Variants in ZNF713 observed in about 807,000 individuals in gnomAD.
ZNF713 encodes zinc finger protein 713.
Under a neutral mutation model 28.7 loss-of-function variants are expected in ZNF713, and 21 were observed. The observed-to-expected ratio is 0.73, with a 90% CI of 0.52 to 1.05. ZNF713 has a LOEUF of 1.05. Among genes scored for constraint, ZNF713 ranks in the 50% least tolerant of loss-of-function variants. The probability of loss-of-function intolerance (pLI) is 0.00; values close to 1 mark genes in which losing one functional copy is unlikely to be tolerated. For synonymous variants in ZNF713, 167 were observed against 178.0 expected (o/e 0.94, Z 0.49); for missense variants, 458 against 532.4 (o/e 0.86, Z 1.37).
Position 55,934,849 on chromosome 7 carries a change from A to G in ZNF713, c.308-4133A>G, listed in dbSNP as rs1026217842. Reference sequence around the variant, plus strand: ...GAACAATTTGACAGAATTTATCAAAATGTGTAGTGTGCAAACCCTATGATC... The same window carrying G: ...GAACAATTTGACAGAATTTATCAAAGTGTGTAGTGTGCAAACCCTATGATC... On this transcript the variant is annotated intron_variant, in intron 6 of 6. Coordinates refer to ENST00000429591, the MANE Select transcript of ZNF713 (RefSeq NM_182633.3). Among the ~76,000 whole-genome samples the G allele has an allele frequency of 2.8e-4, 42 of 150,576 alleles. 1 individual carries two copies. The highest frequency in any genetic ancestry group is 5.6e-4 in the Non-Finnish European group (38 of 67,812).
chr7:55,930,127 C>T (rs1188848600), intron 6 of ZNF713, among the ~76,000 whole-genome samples: 2 of 151,978 alleles, frequency 1.3e-5, no homozygotes, highest in African/African-American at 2.4e-5. Context: ...GTGACACGAT[C>T]TCCGCTCACT....
chr7:55,887,899 C>T (rs1212575789), intron 1 of ZNF713, among the ~76,000 whole-genome samples: 1,468 of 128,688 alleles, frequency 0.011, 310 homozygotes, highest in African/African-American at 0.044. Context: ...GCGGCGGCGG[C>T]GGCGGGAGGC....
intron 1 of ZNF713, among the ~76,000 whole-genome samples, chr7:55,889,652 A>T (rs1357084758): frequency 2.6e-5 from 4 of 152,036 alleles, no homozygotes; most frequent in African/African-American, 4.8e-5. Flanking sequence ...TATGATCTTG[A>T]TATTGCATCT....
intron 1 of ZNF713, among the ~76,000 whole-genome samples, chr7:55,892,042 G>A (rs1477764105): frequency 1.3e-5 from 2 of 152,020 alleles, no homozygotes; most frequent in Non-Finnish European, 2.9e-5. Flanking sequence ...CACTTTGAGA[G>A]GCCTAGGCAG....
chr7:55,937,877 C>T (rs1271819884), intron 6 of ZNF713, among the ~76,000 whole-genome samples: 1 of 151,936 alleles, frequency 6.6e-6, no homozygotes, highest in Non-Finnish European at 1.5e-5. Flanking sequence ...ACACTCCAGC[C>T]TGGGTGACAG....
chr7:55,916,691 C>T lies in ZNF713; in HGVS notation c.87+3968C>T, dbSNP rs139450268. ...ATCTCAAACCAGTGATAAAAAGCTG[C>T]TTTGTTCAATAATTGATGTTGGGAT... On this transcript the variant is annotated intron_variant, in intron 4 of 6. Transcript: ENST00000429591. 7.7e-4 allele frequency among the ~76,000 whole-genome samples: 118 copies of T among 152,274 alleles called. 1 individual carries two copies. The highest frequency in any genetic ancestry group is 2.8e-3 in the African/African-American group (115 of 41,558).
At chr7:55,887,839 GGGC>G (rs1312492341) in intron 1 of ZNF713, among the ~76,000 whole-genome samples, 159 bp downstream of exon 1, 942 of 15,520 alleles carry the variant, frequency 0.061, 306 homozygotes, top group South Asian at 0.18. Flanking sequence ...GGCGGGCGGC[GGGC>G]GGCGGCGGCG....
chr7:55,931,249 G>A (rs1786203850), intron 6 of ZNF713, among the ~76,000 whole-genome samples: 1 of 151,454 alleles, frequency 6.6e-6, no homozygotes, highest in South Asian at 2.1e-4. Flanking sequence ...TCACGTCATT[G>A]CTCTCCAGCC....
At chr7:55,930,220 CATA>C (rs1376682927) in intron 6 of ZNF713, among the ~76,000 whole-genome samples, 1 of 152,114 alleles carries the variant, frequency 6.6e-6, no homozygotes, top group African/African-American at 2.4e-5. Flanking sequence ...CAATCTCAGT[CATA>C]ATAAGAGAAA....
rs148981293 is a variant in ZNF713, at chr7:55,926,736, G to A, written c.307+3037G>A. Among the ~76,000 whole-genome samples the A allele has an allele frequency of 5.7e-4, 87 of 152,356 alleles. 1 individual carries two copies. The East Asian group carries it at 0.015, about 26-fold the overall frequency. On this transcript the variant is annotated intron_variant, in intron 6 of 6. Transcript: ENST00000429591. ...ATATTATTGAGAGAAGTGACAGGGG[G>A]ATGATTGGAAGAACAGTCAGTTTGT...
At chr7:55,929,279 T>C (rs902479615) in intron 6 of ZNF713, among the ~76,000 whole-genome samples, 7 of 152,160 alleles carry the variant, frequency 4.6e-5, no homozygotes, top group African/African-American at 1.7e-4. Flanking sequence ...CTACTAGATA[T>C]TTAAAATATA....
intron 4 of ZNF713, among the ~76,000 whole-genome samples, chr7:55,921,411 A>G (rs1033654717): frequency 2.0e-5 from 3 of 152,182 alleles, no homozygotes; most frequent in Non-Finnish European, 4.4e-5. Context: ...GATTCCTCTG[A>G]TGGATCTGGC....
chr7:55,887,738 G>GAGGCGGC (rs1562731059), intron 1 of ZNF713, 58 bp downstream of exon 1: 1 of 9,928 alleles, frequency 1.0e-4, no homozygotes, highest in Non-Finnish European at 1.8e-4. Flanking sequence ...GCGGAGGCGG[G>GAGGCGGC]GGGCGGAGGC....
intron 6 of ZNF713, among the ~76,000 whole-genome samples, chr7:55,929,683 A>G (rs982548449): frequency 1.3e-5 from 2 of 151,410 alleles, no homozygotes; most frequent in Non-Finnish European, 2.9e-5. Context: ...TGAGCCTGGA[A>G]GGTGGAGGTT....
chr7:55,917,114 T>A (rs1187539745), intron 4 of ZNF713, among the ~76,000 whole-genome samples: 3 of 152,042 alleles, frequency 2.0e-5, no homozygotes, highest in Non-Finnish European at 4.4e-5. Flanking sequence ...CTTGGGAGGC[T>A]GAGGCAGGAG....
chr7:55,933,944 A>G (rs1364507840), intron 6 of ZNF713, among the ~76,000 whole-genome samples: 1 of 152,050 alleles, frequency 6.6e-6, no homozygotes, highest in Non-Finnish European at 1.5e-5. Flanking sequence ...GGGCTCAAGC[A>G]TTTGCCCACC....
chr7:55,916,962 C>A (rs1327565809), intron 4 of ZNF713, among the ~76,000 whole-genome samples: 1 of 152,116 alleles, frequency 6.6e-6, no homozygotes, highest in Non-Finnish European at 1.5e-5. Flanking sequence ...CACCTGTAAT[C>A]CCAGCACTTT....
chr7:55,916,773 C>G (rs999712835), intron 4 of ZNF713, among the ~76,000 whole-genome samples: 1 of 152,136 alleles, frequency 6.6e-6, no homozygotes. Context: ...TACTTCACAT[C>G]AGAATAGTCT....
chr7:55,891,155 C>T (rs1418109892), intron 1 of ZNF713, among the ~76,000 whole-genome samples: 5 of 152,018 alleles, frequency 3.3e-5, no homozygotes, highest in Non-Finnish European at 5.9e-5. Context: ...TAAATGTGGA[C>T]AATTAGAAGT....
Sources: gnomAD v4.1 joint callset for allele counts (sites outside exome capture counted in the v4.1 genomes callset) on GRCh38, gnomAD v4.1.1 for gene constraint, MANE v1.5 for transcripts, NCBI Gene and HGNC (gene_info 2026-07-23, HGNC 2026-07-21) for gene names.